TK2: variants seen among roughly 807,000 people sequenced by gnomAD.
TK2 encodes thymidine kinase 2, mitochondrial.
A neutral mutation model predicts 41.9 loss-of-function variants in TK2; 35 were observed. That is an observed-to-expected ratio of 0.84 (90% confidence interval 0.64 to 1.11). The LOEUF (loss-of-function observed/expected upper bound fraction) is 1.11. Ranked by LOEUF, TK2 falls within the 50% of genes least tolerant of loss-of-function variation. TK2 has a pLI of 0.00. For missense variants in TK2, 320 were observed against 351.1 expected (o/e 0.91, Z 0.71); for synonymous variants, 128 against 129.1 (o/e 0.99, Z 0.06).
chr16:66,532,962 C>T (rs1413434282), intron 4 of TK2, among the ~76,000 whole-genome samples: 2 of 152,166 alleles, frequency 1.3e-5, no homozygotes, highest in Admixed American at 1.3e-4. Context: ...AGGCATCACA[C>T]TGCCTGACTT....
chr16:66,533,233 C>T (rs564576739), intron 4 of TK2, among the ~76,000 whole-genome samples: 1 of 145,416 alleles, frequency 6.9e-6, no homozygotes, highest in Non-Finnish European at 1.5e-5. Flanking sequence ...CCACACCCAG[C>T]TAAATTTTTT....
chr16:66,533,173 G>A (rs562498916), intron 4 of TK2, among the ~76,000 whole-genome samples: 169 of 150,202 alleles, frequency 1.1e-3, no homozygotes, highest in Non-Finnish European at 2.0e-3. Flanking sequence ...GGGTTCAAGC[G>A]ATTCTCCTGC....
chr16:66,532,288 C>G (rs924065726), intron 4 of TK2, among the ~76,000 whole-genome samples: 7 of 152,154 alleles, frequency 4.6e-5, no homozygotes, highest in African/African-American at 1.7e-4. Context: ...AGAAAGGAAT[C>G]CCATTTGCGA....
At chr16:66,536,942 A>G in intron 4 of TK2, 22 bp downstream of exon 4, 1 of 1,614,030 alleles carries the variant, frequency 6.2e-7, no homozygotes, top group Non-Finnish European at 8.5e-7. Flanking sequence ...CCGGGGGTTC[A>G]TGCAACCAAC....
At chr16:66,512,125 A>G in intron 9 of TK2, 59 bp from the exon 10 acceptor site, 2 of 1,422,772 alleles carry the variant, frequency 1.4e-6, no homozygotes, top group Admixed American at 3.4e-5. Context: ...TCCTCCTTTC[A>G]CAGCTGGAGA....
At position 66,509,324 on chromosome 16, in the gene TK2, G is replaced by A. The variant is rs1391802933; in HGVS notation, c.*2644C>T. The stretch of plus-strand genomic sequence containing the variant: ...CAAAAGAGAAAGGTGGGAAGAGCCT[G>A]GGACCCCGATGGCCACTAAGCCACC... On this transcript the variant is annotated 3_prime_UTR_variant, in exon 10 of 10. Transcript: ENST00000544898. 6.6e-6 allele frequency: 1 copy of A among 152,330 alleles called. No individual in the cohort carries two copies. Among genetic ancestry groups the A allele is most frequent in the African/African-American group, 2.4e-5 (1 of 41,540 alleles). 9.4% of individuals were successfully genotyped at this position (152,330 alleles called of 1,614,324 possible).
intron 3 of TK2, among the ~76,000 whole-genome samples, chr16:66,541,062 C>A (rs1023790106): frequency 1.3e-5 from 2 of 152,218 alleles, no homozygotes; most frequent in Non-Finnish European, 2.9e-5. Flanking sequence ...AAATTCCACA[C>A]ATAAATACTT....
intron 6 of TK2, among the ~76,000 whole-genome samples, chr16:66,526,123 G>A (rs1430850003): frequency 6.6e-6 from 1 of 152,094 alleles, no homozygotes; most frequent in African/African-American, 2.4e-5. Context: ...AAAGACAAAT[G>A]GCTCCTGGGG....
At chr16:66,513,907 A>G (rs574266140) in intron 8 of TK2, 96 bp from the exon 9 acceptor site, 3 of 1,052,756 alleles carry the variant, frequency 2.8e-6, no homozygotes, top group East Asian at 5.0e-5. Context: ...GTCAATGACC[A>G]TGGGCAGTGA....
intron 3 of TK2, among the ~76,000 whole-genome samples, chr16:66,541,034 T>C (rs1965441239): frequency 6.6e-6 from 1 of 152,248 alleles, no homozygotes; most frequent in Non-Finnish European, 1.5e-5. Flanking sequence ...TGGAAACCGA[T>C]ATGACACTTC....
chr16:66,520,518 G>A (rs893898146), intron 6 of TK2, among the ~76,000 whole-genome samples: 2 of 152,216 alleles, frequency 1.3e-5, no homozygotes, highest in Non-Finnish European at 2.9e-5. Context: ...GGATTAGGCA[G>A]GCGTGAGGGA....
chr16:66,536,346 G>T lies in TK2; in HGVS notation c.285+618C>A, dbSNP rs144016632. ...CCCTACCTCATGGGATGGGAGCTCA[G>T]AACCAACATCCTCTTCTAAAGCTCT... On this transcript the variant is annotated intron_variant, in intron 4 of 9. Transcript: ENST00000544898. Among the ~76,000 whole-genome samples the T allele has an allele frequency of 1.2e-3, 179 of 152,238 alleles. 1 individual carries two copies. Among genetic ancestry groups the T allele is most frequent in the African/African-American group, 4.0e-3 (167 of 41,538 alleles).
chr16:66,513,997 C>T, intron 8 of TK2, 186 bp from the exon 9 acceptor site: 2 of 677,238 alleles, frequency 3.0e-6, no homozygotes, highest in South Asian at 1.5e-5. Context: ...GGTGGCCAGG[C>T]TGAGCAAAAC....
chr16:66,515,412 C>T (rs1016463282), intron 8 of TK2, among the ~76,000 whole-genome samples: 9 of 152,238 alleles, frequency 5.9e-5, no homozygotes, highest in Non-Finnish European at 8.8e-5. Flanking sequence ...CCTGATGCAG[C>T]GGAGCCCAAG....
In TK2 at chr16:66,511,353, T is replaced by C. The variant is rs886052208; in HGVS notation, c.*615A>G. ...ACTGTCCTTGGGAACTGCTCAATAT[T>C]GGGAAAATGTTATCAGCTCCGCACA... On this transcript the variant is annotated 3_prime_UTR_variant, in exon 10 of 10. Coordinates refer to ENST00000544898, the MANE Select transcript of TK2 (RefSeq NM_004614.5). 1.2e-5 allele frequency: 2 copies of C among 163,448 alleles called. No homozygotes were observed. Among genetic ancestry groups the C allele is most frequent in the Non-Finnish European group, 2.7e-5 (2 of 74,188 alleles). The allele number at this position is 163,448 out of a possible 1,614,324, so 10.1% of individuals were successfully genotyped here. A position where few individuals can be genotyped will look rare whatever the true frequency, so the allele number is the denominator to read the frequency against.
intron 5 of TK2, among the ~76,000 whole-genome samples, chr16:66,530,463 G>T (rs966976054): frequency 1.3e-5 from 2 of 152,140 alleles, no homozygotes; most frequent in African/African-American, 4.8e-5. Context: ...TGTGCCTTGG[G>T]GTCCTGTCCC....
rs568891770 is a variant in TK2 at position 66,540,635 on chromosome 16, C to G, written c.231+1244G>C. ...TAGAACAAGGAAGACAGGTCAATGTCTTAGTGTAGAGATGATTCTTAAACA... is the reference window on the plus strand; with the variant it reads ...TAGAACAAGGAAGACAGGTCAATGTGTTAGTGTAGAGATGATTCTTAAACA... On this transcript the variant is annotated intron_variant, in intron 3 of 9. Transcript: ENST00000544898. 3.3e-5 allele frequency among the ~76,000 whole-genome samples: 5 copies of G among 152,322 alleles called. No individual in the cohort carries two copies. In the East Asian group the frequency reaches 9.6e-4, roughly 29 times the overall value.
At position 66,510,185 on chromosome 16, in the gene TK2, G is replaced by C. The variant is rs1964408585; in HGVS notation, c.*1783C>G. 1 of 145,172 alleles carries C rather than the reference G, an allele frequency of 6.9e-6. No individual in the cohort carries two copies. Among genetic ancestry groups the C allele is most frequent in the Non-Finnish European group, 1.5e-5 (1 of 67,062 alleles). 9.0% of individuals were successfully genotyped at this position (145,172 alleles called of 1,614,324 possible). On this transcript the variant is annotated 3_prime_UTR_variant, in exon 10 of 10. Coordinates refer to ENST00000544898, the MANE Select transcript of TK2 (RefSeq NM_004614.5). ...AAAAAATCATGGGTACGTGGTCTCA[G>C]GACCTCTTGAGATTGTGCCTTAGGC... is the stretch of plus-strand genomic sequence containing the variant.
At chr16:66,518,534 CA>C (rs1964683884) in intron 6 of TK2, among the ~76,000 whole-genome samples, 1 of 152,072 alleles carries the variant, frequency 6.6e-6, no homozygotes, top group Non-Finnish European at 1.5e-5. Context: ...CTGACTCAAA[CA>C]AAACAAAAAA....
Sources: gnomAD v4.1 joint callset for allele counts (sites outside exome capture counted in the v4.1 genomes callset) on GRCh38, gnomAD v4.1.1 for gene constraint, MANE v1.5 for transcripts, NCBI Gene and HGNC (gene_info 2026-07-23, HGNC 2026-07-21) for gene names.